The following INSC variants were observed in gnomAD, a reference collection of about 807,000 sequenced individuals.
INSC encodes the protein protein inscuteable homolog.
Under a neutral mutation model 58.6 loss-of-function variants are expected in INSC, and 67 were observed. The observed-to-expected ratio is 1.14, with a 90% CI of 0.94 to 1.40. The LOEUF (loss-of-function observed/expected upper bound fraction) is 1.40, where lower values mean the gene tolerates loss of function less well. INSC is among the 40% of genes most tolerant of loss of function. The pLI is 0.00. For missense variants in INSC, 714 were observed against 692.0 expected, an observed-to-expected ratio of 1.03 and a Z score of -0.36; for synonymous variants, 262 against 276.1, an observed-to-expected ratio of 0.95 and a Z score of 0.51.
At chr11:15,229,105 C>T (rs1792568) in intron 9 of INSC, among the ~76,000 whole-genome samples, 85,402 of 151,862 alleles carry the variant, frequency 0.56, 25,164 homozygotes, top group East Asian at 0.89. Context: ...CTGGCCTATC[C>T]GTCAAGCAGG....
chr11:15,236,954 T>A (rs566915141), intron 10 of INSC, among the ~76,000 whole-genome samples: 61 of 152,340 alleles, frequency 4.0e-4, no homozygotes, highest in African/African-American at 1.4e-3. Context: ...AGCTACTGCA[T>A]CTGTGCTCCG....
At chr11:15,243,730 T>C (rs1316119976) in intron 12 of INSC, among the ~76,000 whole-genome samples, 1 of 152,048 alleles carries the variant, frequency 6.6e-6, no homozygotes, top group Non-Finnish European at 1.5e-5. Context: ...GCAGTTTCTC[T>C]TTCTTCTTTC....
At chr11:15,242,830 G>A (rs758792166) in intron 12 of INSC, among the ~76,000 whole-genome samples, 10 of 152,142 alleles carry the variant, frequency 6.6e-5, no homozygotes, top group Non-Finnish European at 1.3e-4. Context: ...TCCAAGGCAG[G>A]TTCCATTATC....
intron 2 of INSC, among the ~76,000 whole-genome samples, chr11:15,167,927 C>G (rs1201970180): frequency 6.6e-6 from 1 of 152,114 alleles, no homozygotes; most frequent in East Asian, 1.9e-4. Context: ...GCAATTATAT[C>G]TTGGCGGCTC....
Position 15,200,845 on chromosome 11 carries a change from T to C in INSC, c.715T>C (p.Phe239Leu). 6.2e-7 allele frequency: 1 copy of C among 1,614,060 alleles called. No homozygotes were observed. Among genetic ancestry groups the C allele is most frequent in the Non-Finnish European group, 8.5e-7 (1 of 1,180,010 alleles). Reference protein sequence around the residue: ...IAKEGGVVALFKVCRQDSFRC... With the variant: ...IAKEGGVVALLKVCRQDSFRC... The stretch of plus-strand genomic sequence containing the variant: ...GCAGGAGGGTGGGGTCGTAGCACTC[T>C]TCAAGGTTTGCCGGCAGGACAGTTT... The change falls in exon 7 of 13, where the codon TTC becomes CTC. Residue 239 changes from phenylalanine (F) to leucine (L), a missense_variant. Coordinates refer to ENST00000379556, the MANE Select transcript of INSC (RefSeq NM_001042536.3).
chr11:15,212,429 T>C (rs1371704925), intron 7 of INSC, among the ~76,000 whole-genome samples: 1 of 152,062 alleles, frequency 6.6e-6, no homozygotes, highest in Non-Finnish European at 1.5e-5. Context: ...CACTGGGCCC[T>C]GCCGTGAGCC....
rs368248331 is a variant in INSC, at chr11:15,246,080, C to A, written c.*40C>A. On this transcript the variant is annotated 3_prime_UTR_variant, in exon 13 of 13. Transcript: ENST00000379556. Reference sequence around the variant, plus strand: ...GAAATACATTTGGCTGTTCTCACACCCCCTCTGACTATGCACCAGTGAACA... The same window carrying A: ...GAAATACATTTGGCTGTTCTCACACACCCTCTGACTATGCACCAGTGAACA... 35 of 1,611,426 alleles carry A rather than the reference C, an allele frequency of 2.2e-5. 1 individual carries two copies. The highest frequency in any genetic ancestry group is 2.1e-4 in the South Asian group (19 of 90,800).
chr11:15,182,048 C>G (rs978212385), intron 5 of INSC, among the ~76,000 whole-genome samples: 1 of 152,094 alleles, frequency 6.6e-6, no homozygotes, highest in African/African-American at 2.4e-5. Context: ...CAGGCTGTCT[C>G]TTCAATAATG....
At chr11:15,233,110 A>T (rs561178662) in intron 9 of INSC, among the ~76,000 whole-genome samples, 1 of 152,338 alleles carries the variant, frequency 6.6e-6, no homozygotes, top group Admixed American at 6.5e-5. Context: ...CAGGATTTAG[A>T]TGTAGGTTGA....
intron 6 of INSC, among the ~76,000 whole-genome samples, chr11:15,197,123 CAG>C (rs903958877): frequency 6.6e-6 from 1 of 152,198 alleles, no homozygotes; most frequent in African/African-American, 2.4e-5. Context: ...GATGAAGAGA[CAG>C]AGTTTCAGAA....
intron 1 of INSC, among the ~76,000 whole-genome samples, chr11:15,121,143 A>G (rs1847862633): frequency 6.6e-6 from 1 of 152,038 alleles, no homozygotes; most frequent in African/African-American, 2.4e-5. Flanking sequence ...ATCGTTAAGT[A>G]TATATTTCCT....
intron 1 of INSC, among the ~76,000 whole-genome samples, chr11:15,141,678 C>T (rs931146647): frequency 6.6e-6 from 1 of 152,098 alleles, no homozygotes; most frequent in Non-Finnish European, 1.5e-5. Context: ...ATGCCAGCCA[C>T]CACAGCTAGC....
At chr11:15,148,755 G>A (rs1848557098) in intron 1 of INSC, among the ~76,000 whole-genome samples, 1 of 152,046 alleles carries the variant, frequency 6.6e-6, no homozygotes, top group Non-Finnish European at 1.5e-5. Flanking sequence ...AAGTAATACA[G>A]GATGCCCAGT....
chr11:15,149,066 G>T (rs918217019), intron 1 of INSC, 64 bp from the exon 2 acceptor site: 4 of 1,481,326 alleles, frequency 2.7e-6, no homozygotes, highest in Non-Finnish European at 1.8e-6. Flanking sequence ...CTGGGACTGG[G>T]AGAGAAAGTG....
intron 2 of INSC, among the ~76,000 whole-genome samples, chr11:15,152,720 T>G (rs1386924083): frequency 6.6e-6 from 1 of 152,218 alleles, no homozygotes; most frequent in Non-Finnish European, 1.5e-5. Context: ...GGATGTGTTC[T>G]TAGGTGAGGT....
chr11:15,238,050 C>T (rs1852198376), intron 10 of INSC, among the ~76,000 whole-genome samples: 1 of 152,066 alleles, frequency 6.6e-6, no homozygotes, highest in African/African-American at 2.4e-5. Context: ...GGCAGTTGGG[C>T]AACAGCTCAC....
intron 1 of INSC, among the ~76,000 whole-genome samples, chr11:15,135,126 T>TAGAAAAGAGAAAAGAGAA: frequency 6.6e-6 from 1 of 151,970 alleles, no homozygotes; most frequent in Non-Finnish European, 1.5e-5. Flanking sequence ...AATTGAGGGA[T>TAGAAAAGAGAAAAGAGAA]TTCAGTCAGG....
At chr11:15,137,874 T>G (rs1045869615) in intron 1 of INSC, among the ~76,000 whole-genome samples, 2 of 152,206 alleles carry the variant, frequency 1.3e-5, no homozygotes. Context: ...TGCCTAACCG[T>G]TTGGCACAAG....
chr11:15,259,220 T>C, the INSC span, among the ~76,000 whole-genome samples: 1 of 152,180 alleles, frequency 6.6e-6, no homozygotes, highest in Non-Finnish European at 1.5e-5. Context: ...GTTTGGGGCT[T>C]GTTGGATACA....
Sources: gnomAD v4.1 joint callset for allele counts (sites outside exome capture counted in the v4.1 genomes callset) on GRCh38, gnomAD v4.1.1 for gene constraint, MANE v1.5 for transcripts, NCBI Gene and HGNC (gene_info 2026-07-23, HGNC 2026-07-21) for gene names.